The following MECOM variants were observed in gnomAD, a reference collection of about 807,000 sequenced individuals.
MECOM encodes MDS1 and EVI1 complex locus.
MECOM carries 13 observed loss-of-function variants against 116.3 expected under a neutral mutation model. That is an observed-to-expected ratio of 0.11 (90% CI 0.07 to 0.18). The LOEUF (loss-of-function observed/expected upper bound fraction) is 0.18, where lower values mean the gene tolerates loss of function less well. Among genes scored for constraint, MECOM ranks in the 10% least tolerant of loss-of-function variants. The probability of loss-of-function intolerance (pLI) is 1.00; values close to 1 mark genes in which losing one functional copy is unlikely to be tolerated. For missense variants in MECOM, 1,299 were observed against 1,509.0 expected (o/e 0.86, Z 2.31); for synonymous variants, 528 against 535.2 (o/e 0.99, Z 0.19).
rs2149077783 is a variant in MECOM at position 169,116,095 on chromosome 3, G to C, written c.1777C>G (p.Leu593Val). 6.2e-7 allele frequency: 1 copy of C among 1,614,128 alleles called. No homozygotes were observed. Among genetic ancestry groups the C allele is most frequent in the Non-Finnish European group, 8.5e-7 (1 of 1,180,036 alleles). Residue 593 changes from leucine (L) to valine (V), a missense_variant, in exon 8 of 17, where the codon CTG becomes GTG. By Grantham distance (32) the Leu-to-Val change is conservative. This residue lies in a region of MECOM where 238 missense variants were observed against 273.1 expected (regional missense o/e 0.87). Transcript: ENST00000651503. ...DDVSTPSGSD[L>V]ETTSGSDLES... ...AGATCAGAGCCCGAGGTTGTTTCCA[G>C]GTCACTGCCACTTGGTGTACTGACA...
intron 2 of MECOM, among the ~76,000 whole-genome samples, chr3:169,169,954 C>A (rs1744162481): frequency 6.6e-6 from 1 of 151,862 alleles, no homozygotes; most frequent in Non-Finnish European, 1.5e-5. Flanking sequence ...TATATTTAGG[C>A]ATTTATGTAG....
At chr3:169,193,352 A>G (rs947627230) in intron 2 of MECOM, among the ~76,000 whole-genome samples, 6 of 151,944 alleles carry the variant, frequency 3.9e-5, no homozygotes, top group South Asian at 4.1e-4. Context: ...ATAGTTCTCA[A>G]CTCTGCATTT....
At chr3:169,155,114 G>A (rs1187378712) in intron 2 of MECOM, among the ~76,000 whole-genome samples, 1 of 152,124 alleles carries the variant, frequency 6.6e-6, no homozygotes, top group Non-Finnish European at 1.5e-5. Context: ...GAGACTTTTT[G>A]TAAGAATAAA....
intron 2 of MECOM, chr3:169,146,815 C>T (rs1740082966): frequency 9.1e-7 from 1 of 1,096,116 alleles, no homozygotes; most frequent in Admixed American, 4.0e-5. Flanking sequence ...CCCCAACGCT[C>T]CTGCACGAAA....
chr3:169,482,355 G>A (rs1184238411), intron 1 of MECOM, among the ~76,000 whole-genome samples: 3 of 120,164 alleles, frequency 2.5e-5, no homozygotes, highest in African/African-American at 6.8e-5. Context: ...TTTTTGAGAC[G>A]GAGTCTCGCT....
At chr3:169,118,109 A>G (rs930134298) in intron 7 of MECOM, among the ~76,000 whole-genome samples, 1 of 152,188 alleles carries the variant, frequency 6.6e-6, no homozygotes, top group African/African-American at 2.4e-5. Flanking sequence ...TTAAAAAAAA[A>G]AACTCATGTC....
At chr3:169,242,401 C>T (rs1263299510) in intron 2 of MECOM, among the ~76,000 whole-genome samples, 2 of 152,162 alleles carry the variant, frequency 1.3e-5, no homozygotes, top group Non-Finnish European at 2.9e-5. Flanking sequence ...CCCTTAGACT[C>T]TACCCAAACA....
intron 1 of MECOM, among the ~76,000 whole-genome samples, chr3:169,663,079 C>A (rs1776540991): frequency 6.6e-6 from 1 of 150,494 alleles, no homozygotes; most frequent in South Asian, 2.1e-4. Context: ...CACCCCCACC[C>A]CGGGGTTGCC....
At chr3:169,293,812 G>A (rs947230836) in intron 2 of MECOM, among the ~76,000 whole-genome samples, 1 of 152,178 alleles carries the variant, frequency 6.6e-6, no homozygotes, top group Admixed American at 6.5e-5. Flanking sequence ...TTGAATCAAT[G>A]ATTTGATACT....
intron 2 of MECOM, among the ~76,000 whole-genome samples, chr3:169,292,212 G>A (rs1312903152): frequency 6.6e-6 from 1 of 152,054 alleles, no homozygotes; most frequent in Non-Finnish European, 1.5e-5. Context: ...GCATGGTGGA[G>A]TGCATCTGTA....
At chr3:169,362,275 T>A (rs749046645) in intron 2 of MECOM, among the ~76,000 whole-genome samples, 4 of 151,812 alleles carry the variant, frequency 2.6e-5, no homozygotes, top group African/African-American at 4.8e-5. Context: ...ATAGAACATG[T>A]CCATAAAGAT....
intron 2 of MECOM, among the ~76,000 whole-genome samples, chr3:169,364,754 C>T (rs1288427472): frequency 1.3e-5 from 2 of 151,978 alleles, no homozygotes; most frequent in African/African-American, 4.8e-5. Context: ...GTGACATCAC[C>T]TGTTCACCCA....
At chr3:169,429,629 C>G (rs920926260) in intron 1 of MECOM, among the ~76,000 whole-genome samples, 2 of 152,186 alleles carry the variant, frequency 1.3e-5, no homozygotes, top group Admixed American at 6.5e-5. Context: ...TATCCTAACT[C>G]ATACATGTCC....
chr3:169,585,080 A>C (rs1422201290), intron 1 of MECOM, among the ~76,000 whole-genome samples: 1 of 152,258 alleles, frequency 6.6e-6, no homozygotes, highest in African/African-American at 2.4e-5. Context: ...AATAAATATA[A>C]GAACATTTTT....
chr3:169,386,849 T>G (rs1313996327), intron 1 of MECOM, among the ~76,000 whole-genome samples: 1 of 152,198 alleles, frequency 6.6e-6, no homozygotes, highest in Non-Finnish European at 1.5e-5. Flanking sequence ...TATTATGTCT[T>G]GTTTTTAATA....
chr3:169,434,808 C>T (rs1742367622), intron 1 of MECOM, among the ~76,000 whole-genome samples: 1 of 152,080 alleles, frequency 6.6e-6, no homozygotes. Flanking sequence ...TCTCTCAAAA[C>T]TATTTGAACC....
chr3:169,250,558 G>A (rs1756133320), intron 2 of MECOM, among the ~76,000 whole-genome samples: 1 of 152,184 alleles, frequency 6.6e-6, no homozygotes, highest in Admixed American at 6.6e-5. Flanking sequence ...TTTCTAGCAT[G>A]TAAAATATAT....
intron 2 of MECOM, among the ~76,000 whole-genome samples, chr3:169,313,699 C>G (rs1719215414): frequency 6.6e-6 from 1 of 151,990 alleles, no homozygotes; most frequent in Admixed American, 6.5e-5. Flanking sequence ...TATCAGCTGA[C>G]AGTGAAGAGG....
At chr3:169,591,872 G>A (rs1244146039) in intron 1 of MECOM, among the ~76,000 whole-genome samples, 4 of 150,978 alleles carry the variant, frequency 2.6e-5, no homozygotes, top group African/African-American at 9.8e-5. Flanking sequence ...CATCCTAGGA[G>A]ATGGCCCATA....
Sources: gnomAD v4.1 joint callset for allele counts (sites outside exome capture counted in the v4.1 genomes callset) on GRCh38, gnomAD v4.1.1 for gene constraint, gnomAD v4.1.1 regional missense constraint, MANE v1.5 for transcripts, NCBI Gene and HGNC (gene_info 2026-07-23, HGNC 2026-07-21) for gene names.